Variants in KLF17 observed in about 807,000 individuals in gnomAD.
KLF17 encodes Krueppel-like factor 17.
A neutral mutation model predicts 34.2 loss-of-function variants in KLF17; 31 were observed. The ratio of observed to expected loss-of-function variants is 0.91; its 90% CI spans 0.68 to 1.22. KLF17 has a LOEUF of 1.22. Ranked by LOEUF, KLF17 falls within the 50% of genes most tolerant of loss-of-function variation. KLF17 has a pLI of 0.00. For synonymous variants in KLF17, 179 were observed against 186.7 expected, an observed-to-expected ratio of 0.96 and a Z score of 0.34; for missense variants, 478 against 505.2, an observed-to-expected ratio of 0.95 and a Z score of 0.52.
the KLF17 span, among the ~76,000 whole-genome samples, chr1:44,098,711 T>C: frequency 0.32 from 48,600 of 150,718 alleles, 7,921 homozygotes; most frequent in South Asian, 0.38. Flanking sequence ...CCACCACGCC[T>C]GGCTAATTTT....
chr1:44,049,436 TAG>T, the KLF17 span, among the ~76,000 whole-genome samples: 1 of 152,194 alleles, frequency 6.6e-6, no homozygotes, highest in African/African-American at 2.4e-5. Flanking sequence ...TCTAACCACA[TAG>T]AGTTTTGCCT....
chr1:44,060,544 C>T, the KLF17 span, among the ~76,000 whole-genome samples: 1 of 152,130 alleles, frequency 6.6e-6, no homozygotes, highest in Non-Finnish European at 1.5e-5. Flanking sequence ...TGGTCTGTAA[C>T]CCCATAAGAC....
the KLF17 span, among the ~76,000 whole-genome samples, chr1:44,056,313 T>C: frequency 2.0e-5 from 3 of 152,196 alleles, no homozygotes; most frequent in Admixed American, 2.0e-4. Flanking sequence ...CCCAGATCTC[T>C]GTGCAAAAGG....
the KLF17 span, chr1:44,103,157 A>AG: frequency 1.8e-5 from 10 of 540,806 alleles, no homozygotes; most frequent in Non-Finnish European, 3.0e-5. Context: ...GGTATCCCCA[A>AG]GCAGTAAACT....
chr1:44,127,686 CTTTCT>C (rs2088036770), intron 1 of KLF17, among the ~76,000 whole-genome samples: 1 of 40,774 alleles, frequency 2.5e-5, no homozygotes, highest in Admixed American at 3.0e-4. Flanking sequence ...TTCTTTCTTT[CTTTCT>C]TTTTCTTTCT....
At chr1:44,118,617 G>A (rs2087906789), upstream of KLF17, among the ~76,000 whole-genome samples, 1 of 152,142 alleles carries the variant, frequency 6.6e-6, no homozygotes, top group Admixed American at 6.5e-5. Context: ...GGAATGGGTC[G>A]GTTGGGTGGG....
chr1:44,084,974 C>T, the KLF17 span, among the ~76,000 whole-genome samples: 25 of 148,600 alleles, frequency 1.7e-4, no homozygotes, highest in African/African-American at 3.4e-4. Context: ...GTAGAAACAA[C>T]CTAAATATTT....
the KLF17 span, among the ~76,000 whole-genome samples, chr1:44,081,218 C>A: frequency 5.0e-5 from 7 of 140,068 alleles, no homozygotes; most frequent in Non-Finnish European, 1.5e-5. Flanking sequence ...AGAACAAGAT[C>A]CTGTAAAAAA....
rs1034871775 is a variant in KLF17 at position 44,129,806 on chromosome 1, T to C, written c.535T>C (p.Tyr179His). The C allele has an allele frequency of 1.2e-6, 2 of 1,614,052 alleles. No homozygotes were observed. Among genetic ancestry groups the C allele is most frequent in the Non-Finnish European group, 1.7e-6 (2 of 1,180,036 alleles). ...CCACACTGGGAACCCTCCAGTGCCT[T>C]ACCCTGGCCTCTCGACAGTACCTTC... Reference protein sequence around the residue: ...MSHTGNPPVPYPGLSTVPSDE... With the variant: ...MSHTGNPPVPHPGLSTVPSDE... Residue 179 changes from tyrosine (Y) to histidine (H), a missense_variant, in exon 2 of 4, where the codon TAC (tyrosine) becomes CAC (histidine). By Grantham distance (83) the Tyr-to-His change is moderately conservative. Transcript: ENST00000372299.
At chr1:44,103,344 TCGGACACC>T in the KLF17 span, 11 of 739,470 alleles carry the variant, frequency 1.5e-5, no homozygotes, top group Non-Finnish European at 2.5e-5. Flanking sequence ...GACACCGGAC[TCGGACACC>T]GGCTTCCCGT....
chr1:44,058,984 T>C, the KLF17 span, among the ~76,000 whole-genome samples: 3 of 152,070 alleles, frequency 2.0e-5, no homozygotes, highest in Admixed American at 6.6e-5. Flanking sequence ...GAAAGAAGAA[T>C]CCGCCAATGA....
chr1:44,118,980 G>C lies in KLF17; in HGVS notation c.73G>C (p.Ala25Pro). 6.2e-7 allele frequency: 1 copy of C among 1,607,844 alleles called. No homozygotes were observed. The highest frequency in any genetic ancestry group is 1.3e-5 in the African/African-American group (1 of 74,882). Residue 25 changes from alanine to proline, a missense_variant, in exon 1 of 4, where the codon GCT becomes CCT. Ala to Pro is a conservative substitution (Grantham distance 27, BLOSUM62 -1). Transcript: ENST00000372299. The stretch of plus-strand genomic sequence containing the variant: ...GAGCCGGTGGCAGGCGGCGCACCAG[G>C]CTGCCCAGGTGAGTCAGGTGCCAGC... ...ELSRWQAAHQ[A>P]AQDNENSAPI...
chr1:44,095,328 G>T, the KLF17 span, among the ~76,000 whole-genome samples: 1 of 150,578 alleles, frequency 6.6e-6, no homozygotes, highest in Non-Finnish European at 1.5e-5. Flanking sequence ...TGATTCTCCT[G>T]CCTCAGCCTA....
chr1:44,104,731 G>T, the KLF17 span: 1 of 321,202 alleles, frequency 3.1e-6, no homozygotes, highest in Non-Finnish European at 5.9e-6. Flanking sequence ...CAATAATCCA[G>T]TAACCCTGTT....
the KLF17 span, among the ~76,000 whole-genome samples, chr1:44,083,065 C>T: frequency 0.032 from 4,868 of 151,606 alleles, 91 homozygotes; most frequent in Middle Eastern, 0.054. Flanking sequence ...CCTCATCCTC[C>T]TGAGTAGCTA....
chr1:44,057,936 C>CA, the KLF17 span, among the ~76,000 whole-genome samples: 1 of 152,314 alleles, frequency 6.6e-6, no homozygotes, highest in Admixed American at 6.5e-5. Context: ...ACTCAGATGC[C>CA]ACCATACAGG....
chr1:44,084,205 T>C, the KLF17 span, among the ~76,000 whole-genome samples: 1 of 152,156 alleles, frequency 6.6e-6, no homozygotes. Flanking sequence ...TTTAACCAAT[T>C]TATGTTTCAA....
At chr1:44,096,892 A>G in the KLF17 span, among the ~76,000 whole-genome samples, 1 of 152,048 alleles carries the variant, frequency 6.6e-6, no homozygotes, top group Non-Finnish European at 1.5e-5. Context: ...TTAGTCATGA[A>G]GTCTTTGCCC....
At chr1:44,104,505 T>C in the KLF17 span, 4 of 746,574 alleles carry the variant, frequency 5.4e-6, no homozygotes, top group African/African-American at 5.1e-5. Context: ...CTCCTTCTCC[T>C]GGGTGCGCAT....
Sources: gnomAD v4.1 joint callset for allele counts (sites outside exome capture counted in the v4.1 genomes callset) on GRCh38, gnomAD v4.1.1 for gene constraint, MANE v1.5 for transcripts, NCBI Gene and HGNC (gene_info 2026-07-23, HGNC 2026-07-21) for gene names.